The following UBE4B variants were observed in gnomAD, a reference collection of about 807,000 sequenced individuals.
The protein encoded by UBE4B is ubiquitin conjugation factor E4 B.
In UBE4B, 27 loss-of-function variants were observed where a neutral mutation model predicts 148.1. The observed-to-expected ratio is 0.18, with a 90% CI of 0.13 to 0.25. The LOEUF is 0.25. Ranked by LOEUF, UBE4B falls within the 10% of genes least tolerant of loss-of-function variation. The pLI, the probability that UBE4B is intolerant of heterozygous loss-of-function variation, is 1.00. For missense variants in UBE4B, 1,170 were observed against 1,662.4 expected, an observed-to-expected ratio of 0.70 and a Z score of 5.15; for synonymous variants, 596 against 619.3, an observed-to-expected ratio of 0.96 and a Z score of 0.56.
At chr1:10,085,646 G>T (rs1644752935) in intron 2 of UBE4B, among the ~76,000 whole-genome samples, 1 of 152,146 alleles carries the variant, frequency 6.6e-6, no homozygotes, top group Admixed American at 6.6e-5. Context: ...ACTGTAAAGG[G>T]TTATAGGTTT....
chr1:10,124,343 G>A (rs1645457971), intron 10 of UBE4B, among the ~76,000 whole-genome samples: 1 of 152,078 alleles, frequency 6.6e-6, no homozygotes, highest in African/African-American at 2.4e-5. Flanking sequence ...TGTATTTTTA[G>A]TAGAGATGAA....
Position 10,154,036 on chromosome 1 carries a change from C to T in UBE4B, c.2926+2475C>T, listed in dbSNP as rs550757735. Among the ~76,000 whole-genome samples, 63 of 152,080 alleles carry T rather than the reference C, an allele frequency of 4.1e-4. No individual in the cohort carries two copies. In the South Asian group the frequency reaches 0.012, roughly 30 times the overall value. ...GGCAGAGGTTACGGTGAGCCAAGAT[C>T]GCGCCATTGTAATCCAGCCTGGGCA... On this transcript the variant is annotated intron_variant, in intron 21 of 27. Coordinates refer to ENST00000343090, the MANE Select transcript of UBE4B (RefSeq NM_001105562.3).
chr1:10,082,907 T>G (rs933813654), intron 2 of UBE4B, among the ~76,000 whole-genome samples: 2 of 150,520 alleles, frequency 1.3e-5, no homozygotes, highest in Admixed American at 6.7e-5. Flanking sequence ...GAATGTGCAG[T>G]GTTTGGTTTT....
intron 7 of UBE4B, among the ~76,000 whole-genome samples, chr1:10,110,132 G>A (rs970552854): frequency 6.6e-6 from 1 of 152,154 alleles, no homozygotes; most frequent in Non-Finnish European, 1.5e-5. Context: ...TAAGACTAAT[G>A]TCATAGAAGA....
intron 25 of UBE4B, among the ~76,000 whole-genome samples, chr1:10,175,415 G>A (rs916277919): frequency 2.6e-5 from 4 of 152,072 alleles, no homozygotes; most frequent in Non-Finnish European, 4.4e-5. Flanking sequence ...ACTTTGGGAG[G>A]CCAAGGCGGG....
At chr1:10,167,182 G>A (rs184431896) in intron 23 of UBE4B, among the ~76,000 whole-genome samples, 1 of 152,020 alleles carries the variant, frequency 6.6e-6, no homozygotes, top group Non-Finnish European at 1.5e-5. Context: ...GCTTACGCCT[G>A]TAATCCCAAC....
chr1:10,072,377 C>T (rs764202522), intron 2 of UBE4B, 163 bp downstream of exon 2: 3 of 851,192 alleles, frequency 3.5e-6, no homozygotes, highest in Admixed American at 3.0e-5. Context: ...GTTGTGTTAT[C>T]GCTTTTTTTT....
At chr1:10,164,247 G>A (rs1346748843) in intron 23 of UBE4B, among the ~76,000 whole-genome samples, 2 of 152,014 alleles carry the variant, frequency 1.3e-5, no homozygotes, top group African/African-American at 4.8e-5. Flanking sequence ...AGGCTGAGGT[G>A]GGAGAATCAC....
At chr1:10,100,703 T>C (rs1006246198) in intron 3 of UBE4B, among the ~76,000 whole-genome samples, 1 of 152,140 alleles carries the variant, frequency 6.6e-6, no homozygotes, top group African/African-American at 2.4e-5. Context: ...TACAGGCATG[T>C]GCCACCACGC....
intron 17 of UBE4B, among the ~76,000 whole-genome samples, chr1:10,139,636 A>C (rs1645754444): frequency 6.6e-6 from 1 of 152,184 alleles, no homozygotes; most frequent in Admixed American, 6.5e-5. Context: ...TAAAGTTTGA[A>C]AATGTTTTGG....
chr1:10,127,593 A>G (rs1387841837), intron 11 of UBE4B, among the ~76,000 whole-genome samples: 1 of 152,268 alleles, frequency 6.6e-6, no homozygotes, highest in Non-Finnish European at 1.5e-5. Context: ...AAAAAATATC[A>G]AAATGAAATT....
intron 6 of UBE4B, 128 bp downstream of exon 6, chr1:10,105,872 G>C: frequency 1.9e-6 from 2 of 1,029,526 alleles, no homozygotes; most frequent in Non-Finnish European, 1.4e-6. Context: ...TATTTGGGGA[G>C]GTGGATTTAG....
chr1:10,141,579 A>C (rs1287115217), intron 17 of UBE4B, among the ~76,000 whole-genome samples: 1 of 152,216 alleles, frequency 6.6e-6, no homozygotes, highest in Admixed American at 6.5e-5. Flanking sequence ...GAAAACTAGC[A>C]TAACACATTA....
intron 5 of UBE4B, among the ~76,000 whole-genome samples, chr1:10,105,207 A>G (rs1052162819): frequency 3.9e-5 from 6 of 152,130 alleles, no homozygotes; most frequent in Non-Finnish European, 1.5e-5. Flanking sequence ...CTGTACCCCA[A>G]CTTTCTTTTT....
At chr1:10,164,035 A>AT (rs1270675127) in intron 23 of UBE4B, among the ~76,000 whole-genome samples, 3 of 150,790 alleles carry the variant, frequency 2.0e-5, no homozygotes, top group Admixed American at 1.3e-4. Flanking sequence ...CCTTATTATT[A>AT]TTTTTTAATA....
intron 2 of UBE4B, among the ~76,000 whole-genome samples, chr1:10,084,686 C>G (rs185845402): frequency 6.6e-6 from 1 of 151,192 alleles, no homozygotes; most frequent in Non-Finnish European, 1.5e-5. Context: ...TTTTTTCTTT[C>G]TTTCTTTTCT....
chr1:10,116,018 A>G (rs1645302035), intron 7 of UBE4B, among the ~76,000 whole-genome samples: 1 of 152,240 alleles, frequency 6.6e-6, no homozygotes, highest in Non-Finnish European at 1.5e-5. Context: ...TTCCAAAATT[A>G]GTTATGCATA....
intron 17 of UBE4B, among the ~76,000 whole-genome samples, chr1:10,143,506 G>A (rs1194603231): frequency 6.6e-6 from 1 of 152,052 alleles, no homozygotes; most frequent in East Asian, 1.9e-4. Flanking sequence ...TCTCTTAGAA[G>A]GACCTTTGTG....
chr1:10,108,841 T>C (rs1464269019), intron 7 of UBE4B, among the ~76,000 whole-genome samples: 1 of 152,208 alleles, frequency 6.6e-6, no homozygotes, highest in Non-Finnish European at 1.5e-5. Flanking sequence ...ATTATAGTAA[T>C]AAAGCAGGCA....
Sources: gnomAD v4.1 joint callset for allele counts (sites outside exome capture counted in the v4.1 genomes callset) on GRCh38, gnomAD v4.1.1 for gene constraint, MANE v1.5 for transcripts, NCBI Gene and HGNC (gene_info 2026-07-23, HGNC 2026-07-21) for gene names.